ADAMTSL1: variants seen among roughly 807,000 people sequenced by gnomAD.
ADAMTSL1 encodes ADAMTS like 1.
A neutral mutation model predicts 201.8 loss-of-function variants in ADAMTSL1; 126 were observed. The ratio of observed to expected loss-of-function variants is 0.62; its 90% confidence interval spans 0.54 to 0.72. The LOEUF (loss-of-function observed/expected upper bound fraction) is 0.72, where lower values mean the gene tolerates loss of function less well. ADAMTSL1 is among the 30% of genes least tolerant of loss of function. ADAMTSL1 has a pLI of 0.00. For synonymous variants in ADAMTSL1, 1,121 were observed against 903.4 expected (o/e 1.24, Z -4.32); for missense variants, 2,679 against 2,277.8 (o/e 1.18, Z -3.59).
chr9:18,308,627 C>A (rs569338134), intron 2 of ADAMTSL1, among the ~76,000 whole-genome samples: 13 of 152,224 alleles, frequency 8.5e-5, no homozygotes, highest in Non-Finnish European at 1.9e-4. Flanking sequence ...CTTCCCCAGA[C>A]TAAACCAGGA....
intron 2 of ADAMTSL1, among the ~76,000 whole-genome samples, chr9:18,206,827 C>T (rs553452856): frequency 6.6e-6 from 1 of 152,158 alleles, no homozygotes; most frequent in East Asian, 1.9e-4. Flanking sequence ...TTGACCCGGA[C>T]AGAATTGAAA....
At chr9:18,348,521 C>T (rs1160364801) in intron 2 of ADAMTSL1, among the ~76,000 whole-genome samples, 2 of 152,162 alleles carry the variant, frequency 1.3e-5, no homozygotes, top group Admixed American at 6.5e-5. Context: ...ATAACACTTG[C>T]TACGTAATGA....
At chr9:18,327,386 T>A (rs1394383634) in intron 2 of ADAMTSL1, among the ~76,000 whole-genome samples, 1 of 152,242 alleles carries the variant, frequency 6.6e-6, no homozygotes, top group East Asian at 1.9e-4. Context: ...CCTATGGGCA[T>A]ACTTTCTCTT....
intron 1 of ADAMTSL1, among the ~76,000 whole-genome samples, chr9:17,930,726 G>T (rs949556695): frequency 1.3e-5 from 2 of 152,190 alleles, no homozygotes; most frequent in African/African-American, 4.8e-5. Context: ...GTTTTTGCCT[G>T]CTTCATCATT....
chr9:18,564,748 G>A (rs1438443108), intron 3 of ADAMTSL1, among the ~76,000 whole-genome samples: 2 of 152,052 alleles, frequency 1.3e-5, no homozygotes, highest in Non-Finnish European at 2.9e-5. Context: ...ACTTATTTTA[G>A]ACTATAATAA....
At chr9:17,990,886 C>T (rs1319465590) in intron 1 of ADAMTSL1, among the ~76,000 whole-genome samples, 1 of 152,054 alleles carries the variant, frequency 6.6e-6, no homozygotes, top group Non-Finnish European at 1.5e-5. Context: ...ACCAACTTTA[C>T]CTAGTAGGAA....
At chr9:18,093,250 A>C (rs1010540551) in intron 1 of ADAMTSL1, among the ~76,000 whole-genome samples, 3 of 152,236 alleles carry the variant, frequency 2.0e-5, no homozygotes, top group African/African-American at 7.2e-5. Flanking sequence ...TCAAAGGAAC[A>C]GATTTAAAAA....
chr9:17,954,206 A>C (rs1209541081), intron 1 of ADAMTSL1, among the ~76,000 whole-genome samples: 1 of 152,212 alleles, frequency 6.6e-6, no homozygotes, highest in African/African-American at 2.4e-5. Flanking sequence ...CCTAAATGGC[A>C]GCTGGCTTCT....
chr9:18,611,271 C>A (rs11793774), intron 4 of ADAMTSL1, among the ~76,000 whole-genome samples: 9,139 of 152,214 alleles, frequency 0.06, 366 homozygotes, highest in Non-Finnish European at 0.092. Flanking sequence ...GTCTGAGAGA[C>A]AGAAGCAAGG....
intron 1 of ADAMTSL1, among the ~76,000 whole-genome samples, chr9:18,058,416 T>C (rs1343329406): frequency 3.9e-5 from 6 of 152,232 alleles, no homozygotes; most frequent in Non-Finnish European, 8.8e-5. Flanking sequence ...CTTTAGTCTT[T>C]GTCCTAATCA....
chr9:18,423,980 GT>G (rs1418126285), intron 2 of ADAMTSL1, among the ~76,000 whole-genome samples: 1 of 152,212 alleles, frequency 6.6e-6, no homozygotes, highest in Non-Finnish European at 1.5e-5. Flanking sequence ...GTCTTGGTAT[GT>G]TAATAATGCT....
At chr9:18,790,296 C>A (rs1306435524) in intron 19 of ADAMTSL1, among the ~76,000 whole-genome samples, 5 of 152,166 alleles carry the variant, frequency 3.3e-5, no homozygotes, top group African/African-American at 4.8e-5. Flanking sequence ...CGACTCTAGA[C>A]TGGAGTCCGA....
intron 1 of ADAMTSL1, among the ~76,000 whole-genome samples, chr9:18,085,077 A>T (rs896433034): frequency 2.0e-5 from 3 of 152,124 alleles, no homozygotes; most frequent in African/African-American, 7.2e-5. Flanking sequence ...GGAGCATGCT[A>T]GTGTGTTTAA....
intron 5 of ADAMTSL1, among the ~76,000 whole-genome samples, chr9:18,629,425 T>C (rs1826602424): frequency 6.6e-6 from 1 of 152,182 alleles, no homozygotes. Context: ...TCCCTTCCTT[T>C]CCTGGTTTGC....
intron 1 of ADAMTSL1, among the ~76,000 whole-genome samples, chr9:18,085,138 T>C (rs889537211): frequency 1.3e-5 from 2 of 152,002 alleles, no homozygotes; most frequent in African/African-American, 2.4e-5. Flanking sequence ...TGGAAATTAA[T>C]AGGGAATGTG....
chr9:18,604,169 C>T (rs1487643254), intron 4 of ADAMTSL1, among the ~76,000 whole-genome samples: 2 of 152,124 alleles, frequency 1.3e-5, no homozygotes, highest in Non-Finnish European at 2.9e-5. Flanking sequence ...AAAGAATTTG[C>T]TTACAAAAGG....
chr9:18,082,038 C>A (rs1823519767), intron 1 of ADAMTSL1, among the ~76,000 whole-genome samples: 1 of 152,168 alleles, frequency 6.6e-6, no homozygotes, highest in African/African-American at 2.4e-5. Context: ...TGATATGAAT[C>A]ACTCGTTTGG....
intron 2 of ADAMTSL1, among the ~76,000 whole-genome samples, chr9:18,347,397 A>G (rs749917307): frequency 3.3e-5 from 5 of 152,136 alleles, no homozygotes; most frequent in Non-Finnish European, 7.4e-5. Context: ...GATGAATGAC[A>G]TATTCAATTC....
chr9:18,555,897 G>A (rs1448041090), intron 3 of ADAMTSL1, among the ~76,000 whole-genome samples: 1 of 151,934 alleles, frequency 6.6e-6, no homozygotes, highest in Non-Finnish European at 1.5e-5. Context: ...AACTTTGTGA[G>A]GTATTTATTG....
Sources: allele counts gnomAD v4.1 joint callset (sites outside exome capture counted in the v4.1 genomes callset), GRCh38; gene constraint gnomAD v4.1.1; transcripts MANE v1.5; gene names NCBI Gene and HGNC (gene_info 2026-07-23, HGNC 2026-07-21).